Variants in DSCAM observed in about 807,000 individuals in gnomAD.
DSCAM encodes the protein cell adhesion molecule DSCAM.
A neutral mutation model predicts 217.7 loss-of-function variants in DSCAM; 47 were observed. The ratio of observed to expected loss-of-function variants is 0.22; its 90% CI spans 0.17 to 0.28. The LOEUF (loss-of-function observed/expected upper bound fraction) is 0.28. DSCAM is among the 10% of genes least tolerant of loss of function. The pLI is 1.00. For missense variants in DSCAM, 2,080 were observed against 2,618.3 expected, an observed-to-expected ratio of 0.79 and a Z score of 4.49; for synonymous variants, 1,056 against 1,015.3, an observed-to-expected ratio of 1.04 and a Z score of -0.76.
intron 3 of DSCAM, among the ~76,000 whole-genome samples, chr21:40,625,421 G>A (rs775062931): frequency 6.6e-6 from 1 of 152,142 alleles, no homozygotes; most frequent in Admixed American, 6.5e-5. Context: ...CCACCATCCT[G>A]TGTCTAGGAG....
At chr21:40,752,522 T>A (rs540068191) in intron 1 of DSCAM, among the ~76,000 whole-genome samples, 1 of 152,290 alleles carries the variant, frequency 6.6e-6, no homozygotes, top group Non-Finnish European at 1.5e-5. Flanking sequence ...TGCAGTTATT[T>A]AAAAAAATAC....
At chr21:40,575,608 C>T (rs527626793) in intron 3 of DSCAM, among the ~76,000 whole-genome samples, 2 of 152,042 alleles carry the variant, frequency 1.3e-5, no homozygotes, top group Admixed American at 6.5e-5. Flanking sequence ...ACCTTGAGTC[C>T]GACTCAACTC....
At chr21:40,482,350 A>G (rs534785827) in intron 3 of DSCAM, among the ~76,000 whole-genome samples, 6 of 152,196 alleles carry the variant, frequency 3.9e-5, no homozygotes, top group African/African-American at 1.4e-4. Context: ...CTACATTGAA[A>G]ACACGTGCCT....
At chr21:40,301,642 C>T (rs924449172) in intron 9 of DSCAM, among the ~76,000 whole-genome samples, 11 of 152,170 alleles carry the variant, frequency 7.2e-5, no homozygotes, top group African/African-American at 2.4e-4. Flanking sequence ...AGTCTGTGTC[C>T]CATACCAGGC....
At chr21:40,790,364 TAG>T (rs2091631041) in intron 1 of DSCAM, among the ~76,000 whole-genome samples, 1 of 152,110 alleles carries the variant, frequency 6.6e-6, no homozygotes, top group Admixed American at 6.5e-5. Flanking sequence ...GTATTTTTAG[TAG>T]AGACGGGGTT....
At chr21:40,621,145 GTA>G (rs1307066931) in intron 3 of DSCAM, 2 of 152,170 alleles carry the variant, frequency 1.3e-5, no homozygotes, top group Non-Finnish European at 2.9e-5. Context: ...TTATCTGATT[GTA>G]GTGTGACTCT....
intron 14 of DSCAM, among the ~76,000 whole-genome samples, chr21:40,183,694 C>G (rs183679595): frequency 1.4e-4 from 22 of 152,238 alleles, no homozygotes; most frequent in Admixed American, 1.1e-3. Context: ...TGGCCAAAGG[C>G]AGAGCTGTGC....
At chr21:40,822,687 T>C (rs904401568) in intron 1 of DSCAM, among the ~76,000 whole-genome samples, 2 of 152,204 alleles carry the variant, frequency 1.3e-5, no homozygotes, top group African/African-American at 4.8e-5. Context: ...TGTATCATGA[T>C]CACCCTGCTT....
Position 40,282,792 on chromosome 21 carries a change from TTTATA to T in DSCAM, c.2183-6527_2183-6523del, listed in dbSNP as rs568289312. ...AAAAATGCTTGTAATTGTTGAAACA[TTTATA>T]TTAAAGAATCACAACATAAAATTAA... On this transcript the variant is annotated intron_variant, in intron 10 of 32. Coordinates refer to ENST00000400454, the MANE Select transcript of DSCAM (RefSeq NM_001389.5). Among the ~76,000 whole-genome samples the T allele has an allele frequency of 3.3e-5, 5 of 152,222 alleles. No homozygotes were observed. In the South Asian group the frequency reaches 1.0e-3, roughly 32 times the overall value.
At chr21:40,407,690 TG>T (rs1251515405) in intron 3 of DSCAM, among the ~76,000 whole-genome samples, 1 of 152,208 alleles carries the variant, frequency 6.6e-6, no homozygotes, top group African/African-American at 2.4e-5. Context: ...CCCACTCATT[TG>T]GGCTGTCTCA....
chr21:40,143,523 G>A (rs2090317453), intron 17 of DSCAM, among the ~76,000 whole-genome samples: 1 of 152,218 alleles, frequency 6.6e-6, no homozygotes, highest in East Asian at 1.9e-4. Flanking sequence ...CGGGCGCGGT[G>A]GCTCACGCCT....
chr21:40,834,224 T>C (rs1296408140), intron 1 of DSCAM, among the ~76,000 whole-genome samples: 2 of 151,676 alleles, frequency 1.3e-5, no homozygotes, highest in African/African-American at 2.4e-5. Flanking sequence ...CTGGCTAACA[T>C]GGTGAAACCC....
chr21:40,084,808 T>G (rs1326737341), intron 23 of DSCAM, among the ~76,000 whole-genome samples: 1 of 152,118 alleles, frequency 6.6e-6, no homozygotes, highest in Non-Finnish European at 1.5e-5. Flanking sequence ...CAAAATTCCC[T>G]GGAATTCTCC....
At chr21:40,317,515 CT>C (rs961973565) in intron 8 of DSCAM, among the ~76,000 whole-genome samples, 51 of 151,334 alleles carry the variant, frequency 3.4e-4, no homozygotes, top group African/African-American at 1.2e-3. Context: ...GTGTCCTGTT[CT>C]TTTTTTTTCT....
intron 1 of DSCAM, among the ~76,000 whole-genome samples, chr21:40,766,669 C>CCA (rs2091393187): frequency 1.5e-5 from 1 of 66,640 alleles, no homozygotes; most frequent in Non-Finnish European, 2.5e-5. Flanking sequence ...ACAACAATTC[C>CCA]AAAAAAAAAA....
chr21:40,293,827 G>GAAA (rs532224810), intron 10 of DSCAM, among the ~76,000 whole-genome samples: 136 of 147,124 alleles, frequency 9.2e-4, no homozygotes, highest in South Asian at 9.2e-3. Flanking sequence ...TCTGTCTCCA[G>GAAA]AAAAAAAAAA....
chr21:40,163,865 T>C (rs2090566309), intron 16 of DSCAM, among the ~76,000 whole-genome samples: 1 of 152,174 alleles, frequency 6.6e-6, no homozygotes, highest in Non-Finnish European at 1.5e-5. Flanking sequence ...GCATGTTTGC[T>C]CTCTGGAGAT....
chr21:40,412,175 TG>T (rs2075329456), intron 3 of DSCAM, among the ~76,000 whole-genome samples: 1 of 152,196 alleles, frequency 6.6e-6, no homozygotes, highest in African/African-American at 2.4e-5. Context: ...CTCTTGCTTT[TG>T]TAAATTGCCC....
At chr21:40,370,463 G>A (rs1569089815) in intron 3 of DSCAM, among the ~76,000 whole-genome samples, 1 of 152,066 alleles carries the variant, frequency 6.6e-6, no homozygotes, top group Non-Finnish European at 1.5e-5. Context: ...AGGTTCAGTT[G>A]AAACATCCTT....
Sources: allele counts gnomAD v4.1 joint callset (sites outside exome capture counted in the v4.1 genomes callset), GRCh38; gene constraint gnomAD v4.1.1; transcripts MANE v1.5; gene names NCBI Gene and HGNC (gene_info 2026-07-23, HGNC 2026-07-21).